PRKCE: variants seen among roughly 807,000 people sequenced by gnomAD.
PRKCE encodes the protein protein kinase C epsilon type.
PRKCE carries 16 observed loss-of-function variants against 85.4 expected under a neutral mutation model. The observed-to-expected ratio is 0.19, with a 90% CI of 0.13 to 0.28. The LOEUF is 0.28. Ranked by LOEUF, PRKCE falls within the 10% of genes least tolerant of loss-of-function variation. The pLI, the probability that PRKCE is intolerant of heterozygous loss-of-function variation, is 1.00. For synonymous variants in PRKCE, 388 were observed against 371.5 expected, an observed-to-expected ratio of 1.04 and a Z score of -0.51; for missense variants, 573 against 975.2, an observed-to-expected ratio of 0.59 and a Z score of 5.49.
intron 1 of PRKCE, among the ~76,000 whole-genome samples, chr2:45,780,447 G>A (rs549802170): frequency 1.8e-4 from 28 of 152,156 alleles, no homozygotes; most frequent in Non-Finnish European, 3.5e-4. Flanking sequence ...ATGAGTTCTA[G>A]GTGCTTGAGC....
intron 1 of PRKCE, among the ~76,000 whole-genome samples, chr2:45,805,844 C>T (rs1160223349): frequency 1.3e-5 from 2 of 152,210 alleles, no homozygotes; most frequent in Admixed American, 1.3e-4. Flanking sequence ...AGTGATCCTC[C>T]CTCCTTGGCC....
intron 1 of PRKCE, among the ~76,000 whole-genome samples, chr2:45,738,968 T>G (rs746646874): frequency 1.3e-5 from 2 of 152,224 alleles, no homozygotes; most frequent in Non-Finnish European, 2.9e-5. Context: ...TGTTGGTTCA[T>G]GTACCAGTCC....
chr2:45,682,606 G>C (rs1676993186), intron 1 of PRKCE, among the ~76,000 whole-genome samples: 1 of 151,474 alleles, frequency 6.6e-6, no homozygotes, highest in Non-Finnish European at 1.5e-5. Flanking sequence ...TTCTTTTTGA[G>C]ATGGAGTTTC....
chr2:45,670,736 A>G (rs184564081), intron 1 of PRKCE, among the ~76,000 whole-genome samples: 27 of 152,358 alleles, frequency 1.8e-4, no homozygotes, highest in African/African-American at 6.5e-4. Flanking sequence ...ATCATTCCCC[A>G]GGGAAAGACT....
intron 1 of PRKCE, among the ~76,000 whole-genome samples, chr2:45,723,988 T>A (rs1249373541): frequency 1.3e-5 from 2 of 152,218 alleles, no homozygotes; most frequent in Non-Finnish European, 2.9e-5. Flanking sequence ...TCAGCTCTCA[T>A]TTTGAGCAGC....
intron 1 of PRKCE, among the ~76,000 whole-genome samples, chr2:45,821,672 C>T (rs1018469868): frequency 2.7e-4 from 41 of 152,028 alleles, no homozygotes; most frequent in Non-Finnish European, 8.8e-5. Flanking sequence ...GGGAGCCCGG[C>T]CTGAGCATTG....
intron 2 of PRKCE, among the ~76,000 whole-genome samples, chr2:45,890,110 T>C (rs1265809578): frequency 1.3e-5 from 2 of 152,228 alleles, no homozygotes; most frequent in Non-Finnish European, 2.9e-5. Flanking sequence ...TCCTCTCCCT[T>C]GGTGATTAGA....
At chr2:45,716,259 G>A (rs1360735242) in intron 1 of PRKCE, among the ~76,000 whole-genome samples, 1 of 152,222 alleles carries the variant, frequency 6.6e-6, no homozygotes, top group Non-Finnish European at 1.5e-5. Flanking sequence ...GCCCATGCCT[G>A]TAATCCTAGC....
At chr2:46,002,863 T>C (rs1049137387) in intron 7 of PRKCE, among the ~76,000 whole-genome samples, 4 of 152,232 alleles carry the variant, frequency 2.6e-5, no homozygotes, top group African/African-American at 9.6e-5. Context: ...TCAGGAGACA[T>C]GGTTTTTATT....
intron 10 of PRKCE, among the ~76,000 whole-genome samples, chr2:46,051,687 A>T (rs986897608): frequency 2.6e-5 from 4 of 152,082 alleles, no homozygotes; most frequent in Non-Finnish European, 5.9e-5. Flanking sequence ...TGCTGTTTTT[A>T]CCTTAGTGAA....
intron 2 of PRKCE, among the ~76,000 whole-genome samples, chr2:45,954,928 T>C (rs187668249): frequency 1.3e-5 from 2 of 152,316 alleles, no homozygotes; most frequent in East Asian, 3.9e-4. Context: ...GTCAATACTT[T>C]AGTATTTCAT....
rs1221355620 is a variant in PRKCE at position 46,139,440 on chromosome 2, C to A, written c.1593-5653C>A. ...AAGAATTTAAAATATAAAATAATAG[C>A]CTGGATTATTTTGAAGTGGATTCCA... On this transcript the variant is annotated intron_variant, in intron 11 of 14. Coordinates refer to ENST00000306156, the MANE Select transcript of PRKCE (RefSeq NM_005400.3). The surrounding 1 kb of genome is among the most constrained non-coding windows in gnomAD (Gnocchi z 5.2). 6.6e-6 allele frequency among the ~76,000 whole-genome samples: 1 copy of A among 151,948 alleles called. No individual in the cohort carries two copies. Among genetic ancestry groups the A allele is most frequent in the Non-Finnish European group, 1.5e-5 (1 of 67,976 alleles).
At chr2:45,855,297 G>A (rs1172491631) in intron 2 of PRKCE, among the ~76,000 whole-genome samples, 1 of 152,196 alleles carries the variant, frequency 6.6e-6, no homozygotes, top group East Asian at 1.9e-4. Flanking sequence ...AAGAGTGTAT[G>A]AAATAAAGGA....
At chr2:46,080,333 T>TA (rs11405320) in intron 10 of PRKCE, among the ~76,000 whole-genome samples, 25,940 of 152,012 alleles carry the variant, frequency 0.17, 3,358 homozygotes, top group East Asian at 0.51. Flanking sequence ...CCTTAATGTG[T>TA]AAAAAAAGAG....
intron 2 of PRKCE, among the ~76,000 whole-genome samples, chr2:45,903,812 C>T (rs566235575): frequency 9.9e-5 from 15 of 152,138 alleles, no homozygotes; most frequent in African/African-American, 3.4e-4. Flanking sequence ...ACCCTCTTCC[C>T]ACCTCATCAC....
At chr2:45,690,886 C>A (rs1372791692) in intron 1 of PRKCE, among the ~76,000 whole-genome samples, 3 of 152,244 alleles carry the variant, frequency 2.0e-5, no homozygotes, top group Non-Finnish European at 2.9e-5. Flanking sequence ...ATGGGCCATG[C>A]TGGCTTACTC....
chr2:46,164,832 G>A (rs918620431), intron 14 of PRKCE: 1 of 152,306 alleles, frequency 6.6e-6, no homozygotes, highest in African/African-American at 2.4e-5. Flanking sequence ...GGGACCCCTG[G>A]GTCACCACCA....
At chr2:45,788,006 A>G (rs2105064768) in intron 1 of PRKCE, among the ~76,000 whole-genome samples, 1 of 152,310 alleles carries the variant, frequency 6.6e-6, no homozygotes, top group Admixed American at 6.5e-5. Context: ...GTGTGTGCCT[A>G]GAAACCCTGA....
chr2:45,725,124 C>T (rs949166161), intron 1 of PRKCE, among the ~76,000 whole-genome samples: 2 of 152,178 alleles, frequency 1.3e-5, no homozygotes, highest in Non-Finnish European at 2.9e-5. Context: ...AAGTTGAAGC[C>T]AGTGCTCATT....
Sources: allele counts gnomAD v4.1 joint callset (sites outside exome capture counted in the v4.1 genomes callset), GRCh38; gene constraint gnomAD v4.1.1; non-coding constraint Gnocchi (gnomAD v3.1); transcripts MANE v1.5; gene names NCBI Gene and HGNC (gene_info 2026-07-23, HGNC 2026-07-21).